DNAJC6: variants seen among roughly 807,000 people sequenced by gnomAD.
DNAJC6 encodes the protein auxilin.
Under a neutral mutation model 110.0 loss-of-function variants are expected in DNAJC6, and 34 were observed. The observed-to-expected ratio is 0.31, with a 90% CI of 0.24 to 0.41. DNAJC6 has a LOEUF of 0.41. DNAJC6 is among the 10% of genes least tolerant of loss of function. The pLI is 1.00. For missense variants in DNAJC6, 1,031 were observed against 1,207.8 expected, an observed-to-expected ratio of 0.85 and a Z score of 2.17; for synonymous variants, 406 against 437.2, an observed-to-expected ratio of 0.93 and a Z score of 0.89.
chr1:65,339,173 T>C (rs1645365489), intron 1 of DNAJC6, among the ~76,000 whole-genome samples: 1 of 152,018 alleles, frequency 6.6e-6, no homozygotes, highest in Non-Finnish European at 1.5e-5. Flanking sequence ...CCAGGTGTAA[T>C]GTTGGGTTCT....
At chr1:65,366,021 T>C (rs1645643035) in intron 3 of DNAJC6, 27 bp from the exon 4 acceptor site, 8 of 1,613,414 alleles carry the variant, frequency 5.0e-6, no homozygotes, top group Non-Finnish European at 6.8e-6. Context: ...TTTAACCTGT[T>C]TTCTTTCTGT....
chr1:65,298,227 C>T (rs970316785), intron 1 of DNAJC6, among the ~76,000 whole-genome samples: 6 of 152,122 alleles, frequency 3.9e-5, no homozygotes, highest in African/African-American at 1.4e-4. Context: ...TACTTCCATG[C>T]TGATTTTGAG....
chr1:65,390,647 G>T (rs960086723), intron 11 of DNAJC6, among the ~76,000 whole-genome samples: 3 of 152,194 alleles, frequency 2.0e-5, no homozygotes, highest in Non-Finnish European at 2.9e-5. Flanking sequence ...ACTGGCTATG[G>T]TATGGTTTAT....
At chr1:65,374,319 T>C (rs1322813386) in intron 4 of DNAJC6, among the ~76,000 whole-genome samples, 2 of 151,948 alleles carry the variant, frequency 1.3e-5, no homozygotes, top group East Asian at 3.9e-4. Flanking sequence ...CTGTGAAGAA[T>C]GTCATTGGCA....
intron 1 of DNAJC6, among the ~76,000 whole-genome samples, chr1:65,364,404 T>C (rs1158441811): frequency 1.3e-5 from 2 of 152,050 alleles, no homozygotes; most frequent in Admixed American, 1.3e-4. Flanking sequence ...TACTGGAGGT[T>C]TCTGTTCCTG....
At chr1:65,290,910 T>C (rs1224984898) in intron 1 of DNAJC6, among the ~76,000 whole-genome samples, 2 of 152,342 alleles carry the variant, frequency 1.3e-5, no homozygotes, top group Non-Finnish European at 2.9e-5. Flanking sequence ...CATTAGGAAA[T>C]GCATCATGAA....
rs60903347 is a variant in DNAJC6, at chr1:65,355,315, C to T, written c.194-9320C>T. ...AAAGATTATCCTAAGGGCCCTGGCA[C>T]TTTATTGCAGTACAAAGAGAGTTGG... On this transcript the variant is annotated intron_variant, in intron 1 of 18. Transcript: ENST00000371069. Among the ~76,000 whole-genome samples, 1,013 of 150,650 alleles carry T rather than the reference C, an allele frequency of 6.7e-3. 13 individuals carry two copies. The highest frequency in any genetic ancestry group is 0.024 in the African/African-American group (965 of 41,036).
chr1:65,391,965 A>T (rs1383433784), intron 11 of DNAJC6, among the ~76,000 whole-genome samples: 1 of 152,104 alleles, frequency 6.6e-6, no homozygotes, highest in Non-Finnish European at 1.5e-5. Flanking sequence ...ATTAGTAGAG[A>T]TGGGGTTTTC....
At chr1:65,381,680 T>C (rs1645824040) in intron 5 of DNAJC6, among the ~76,000 whole-genome samples, 1 of 151,654 alleles carries the variant, frequency 6.6e-6, no homozygotes, top group Non-Finnish European at 1.5e-5. Context: ...GTGAAAAGAG[T>C]GTCAGGAAGG....
intron 14 of DNAJC6, among the ~76,000 whole-genome samples, chr1:65,400,848 G>T (rs537687105): frequency 6.6e-6 from 1 of 152,186 alleles, no homozygotes; most frequent in Non-Finnish European, 1.5e-5. Flanking sequence ...TATATACCCA[G>T]TAGCAGGATT....
chr1:65,290,343 AC>A (rs1319874007), intron 1 of DNAJC6, among the ~76,000 whole-genome samples: 3 of 152,102 alleles, frequency 2.0e-5, no homozygotes, highest in Non-Finnish European at 4.4e-5. Context: ...CTTTGGATGA[AC>A]CGAAATTCTT....
At position 65,392,613 on chromosome 1, in the gene DNAJC6, C is replaced by T. The variant is rs377495314; in HGVS notation, c.1651C>T (p.Pro551Ser). 6.2e-7 allele frequency: 1 copy of T among 1,613,984 alleles called. No homozygotes were observed. Among genetic ancestry groups the T allele is most frequent in the South Asian group, 1.1e-5 (1 of 91,034 alleles). ...KQQEPAAPPP[P>S]EDVDLLGLEG... ...GCAGGAGCCAGCAGCCCCTCCACCCCCTGAGGATGTGGACCTTTTGGGCCT... is the reference window on the plus strand; with the variant it reads ...GCAGGAGCCAGCAGCCCCTCCACCCTCTGAGGATGTGGACCTTTTGGGCCT... The change falls in exon 12 of 19, where the codon CCT becomes TCT. Residue 551 changes from proline to serine, a missense_variant. By Grantham distance (74) the Pro-to-Ser change is moderately conservative (BLOSUM62 -1). Transcript: ENST00000371069.
intron 1 of DNAJC6, among the ~76,000 whole-genome samples, chr1:65,352,008 C>T (rs997935196): frequency 6.6e-6 from 1 of 152,134 alleles, no homozygotes; most frequent in Non-Finnish European, 1.5e-5. Context: ...TCAGGTGATC[C>T]ACCCGCCTCA....
chr1:65,344,058 C>T (rs1645414177), intron 1 of DNAJC6, among the ~76,000 whole-genome samples: 1 of 152,160 alleles, frequency 6.6e-6, no homozygotes, highest in Admixed American at 6.5e-5. Flanking sequence ...ACTGTACTAG[C>T]ACCTGCATTG....
At chr1:65,384,347 G>C (rs1481724927) in intron 6 of DNAJC6, 21 bp downstream of exon 6, 1 of 1,521,558 alleles carries the variant, frequency 6.6e-7, no homozygotes, top group Non-Finnish European at 8.8e-7. Flanking sequence ...CTAGATGCAG[G>C]CTAGGCACAG....
At chr1:65,294,067 A>G (rs1570231857) in intron 1 of DNAJC6, among the ~76,000 whole-genome samples, 1 of 152,190 alleles carries the variant, frequency 6.6e-6, no homozygotes, top group Non-Finnish European at 1.5e-5. Context: ...ATTTGTTGCT[A>G]CAAAGAAAAA....
At chr1:65,405,825 G>T (rs1451362945) in intron 15 of DNAJC6, 45 bp from the exon 16 acceptor site, 5 of 1,543,972 alleles carry the variant, frequency 3.2e-6, no homozygotes, top group Non-Finnish European at 4.4e-6. Context: ...AGAGTTAGAG[G>T]CCACTCAAAA....
At chr1:65,293,172 C>T (rs562480694) in intron 1 of DNAJC6, among the ~76,000 whole-genome samples, 21 of 152,354 alleles carry the variant, frequency 1.4e-4, no homozygotes, top group Non-Finnish European at 1.3e-4. Context: ...TCTCACCATT[C>T]TGGTGGCTGG....
Position 65,384,201 on chromosome 1 carries a change from G to T in DNAJC6, c.675G>T (p.Arg225=). 2.0e-6 allele frequency: 3 copies of T among 1,518,000 alleles called. No individual in the cohort carries two copies. The highest frequency in any genetic ancestry group is 2.6e-6 in the Non-Finnish European group (3 of 1,134,770). 94.0% of individuals were successfully genotyped at this position (1,518,000 alleles called of 1,614,324 possible). A position where few individuals can be genotyped will look rare whatever the true frequency, so the allele number is the denominator to read the frequency against. The change falls in exon 6 of 19, where the codon CGG becomes CGT. Residue 225 remains arginine (R), a synonymous_variant. Transcript: ENST00000371069. ...TGCATTTTCTTTGACAGGATGGACG[G>T]GCGGCATCATCAATTCTGGTTGGTG... is the stretch of plus-strand genomic sequence containing the variant. ...NVCVVHCLDG[R]AASSILVGAM...
Sources: gnomAD v4.1 joint callset for allele counts (sites outside exome capture counted in the v4.1 genomes callset) on GRCh38, gnomAD v4.1.1 for gene constraint, MANE v1.5 for transcripts, NCBI Gene and HGNC (gene_info 2026-07-23, HGNC 2026-07-21) for gene names.